The following ITPK1 variants were observed in gnomAD, a reference collection of about 807,000 sequenced individuals.
ITPK1 encodes the protein inositol 1,3,4-trisphosphate 5/6-kinase.
ITPK1 carries 21 observed loss-of-function variants against 45.3 expected under a neutral mutation model. The ratio of observed to expected loss-of-function variants is 0.46; its 90% confidence interval spans 0.33 to 0.67. The LOEUF is 0.67. Among genes scored for constraint, ITPK1 ranks in the 30% least tolerant of loss-of-function variants. The pLI, the probability that ITPK1 is intolerant of heterozygous loss-of-function variation, is 0.02. For synonymous variants in ITPK1, 258 were observed against 253.6 expected, an observed-to-expected ratio of 1.02 and a Z score of -0.16; for missense variants, 474 against 573.5, an observed-to-expected ratio of 0.83 and a Z score of 1.77.
chr14:93,057,270 A>G (rs1890247236), intron 3 of ITPK1, among the ~76,000 whole-genome samples: 1 of 152,342 alleles, frequency 6.6e-6, no homozygotes, highest in African/African-American at 2.4e-5. Flanking sequence ...TGCTATACAC[A>G]GAAACACTGC....
chr14:93,075,138 G>A (rs2139980709), intron 3 of ITPK1, among the ~76,000 whole-genome samples: 1 of 151,892 alleles, frequency 6.6e-6, no homozygotes, highest in Non-Finnish European at 1.5e-5. Context: ...ATCAGCCTGA[G>A]GAACATGGTG....
At chr14:93,021,378 G>A (rs949304769) in intron 3 of ITPK1, among the ~76,000 whole-genome samples, 1 of 152,086 alleles carries the variant, frequency 6.6e-6, no homozygotes, top group African/African-American at 2.4e-5. Flanking sequence ...GATCACTTGA[G>A]GTCAGGAGTT....
At position 92,958,152 on chromosome 14, in the gene ITPK1, C is replaced by G; in HGVS notation, c.670+49G>C. ...ACAGACAGCTGCTGCCACATCCCAGCTGGGCCCCTGAGTCTTGCTCAGCCC... is the reference window on the plus strand; with the variant it reads ...ACAGACAGCTGCTGCCACATCCCAGGTGGGCCCCTGAGTCTTGCTCAGCCC... On this transcript the variant is annotated intron_variant, in intron 8 of 10. Coordinates refer to ENST00000267615, the MANE Select transcript of ITPK1 (RefSeq NM_014216.6). The surrounding 1 kb of genome is among the most constrained non-coding windows in gnomAD (Gnocchi z 4.4). 1.3e-6 allele frequency: 2 copies of G among 1,590,880 alleles called. No homozygotes were observed. Among genetic ancestry groups the G allele is most frequent in the South Asian group, 1.1e-5 (1 of 90,498 alleles).
chr14:92,939,918 C>G lies in ITPK1; in HGVS notation c.*1643G>C. 1.0e-6 allele frequency: 1 copy of G among 985,864 alleles called. No homozygotes were observed. The highest frequency in any genetic ancestry group is 4.7e-5 in the South Asian group (1 of 21,280). The allele number at this position is 985,864 out of a possible 1,614,324, so 61.1% of individuals were successfully genotyped here. A position where few individuals can be genotyped will look rare whatever the true frequency, so the allele number is the denominator to read the frequency against. On this transcript the variant is annotated 3_prime_UTR_variant, in exon 11 of 11. Coordinates refer to ENST00000267615, the MANE Select transcript of ITPK1 (RefSeq NM_014216.6). Reference sequence around the variant, plus strand: ...ACAAAGCAGTGCAAGAGGCCAGCCACGCTTTCCTGTTCCCCAGGGCTCAGG... The same window carrying G: ...ACAAAGCAGTGCAAGAGGCCAGCCAGGCTTTCCTGTTCCCCAGGGCTCAGG...
intron 3 of ITPK1, among the ~76,000 whole-genome samples, chr14:93,051,784 AG>A (rs1890024801): frequency 6.6e-6 from 1 of 152,266 alleles, no homozygotes; most frequent in South Asian, 2.1e-4. Context: ...CAAATGTCTC[AG>A]CATGGGGAAT....
intron 5 of ITPK1, among the ~76,000 whole-genome samples, chr14:92,971,079 A>G (rs1190396407): frequency 6.6e-6 from 1 of 151,926 alleles, no homozygotes; most frequent in Non-Finnish European, 1.5e-5. Flanking sequence ...TTATCCTCCA[A>G]CATGGGTCAG....
intron 2 of ITPK1, among the ~76,000 whole-genome samples, chr14:93,084,704 G>A (rs1342239465): frequency 6.6e-6 from 1 of 152,192 alleles, no homozygotes; most frequent in African/African-American, 2.4e-5. Flanking sequence ...GCATTTGGAG[G>A]TGCAGCTCAG....
At chr14:93,066,094 G>T (rs1296142678) in intron 3 of ITPK1, 2 of 311,828 alleles carry the variant, frequency 6.4e-6, no homozygotes, top group Non-Finnish European at 1.3e-5. Context: ...ATGAGCAAAA[G>T]AATAATCTAG....
intron 5 of ITPK1, among the ~76,000 whole-genome samples, chr14:92,973,865 G>A (rs1391966020): frequency 6.6e-6 from 1 of 152,206 alleles, no homozygotes; most frequent in African/African-American, 2.4e-5. Flanking sequence ...CAGAAGAGAG[G>A]GGCTGGATGC....
At chr14:93,100,878 A>C (rs1736457969) in intron 2 of ITPK1, among the ~76,000 whole-genome samples, 1 of 152,080 alleles carries the variant, frequency 6.6e-6, no homozygotes, top group Admixed American at 6.6e-5. Context: ...CATGTGGCCC[A>C]CTCCATAGGT....
Position 93,016,492 on chromosome 14 carries a change from G to A in ITPK1, c.246+184C>T, listed in dbSNP as rs998760927. ...CTGGTTCAGTCCCCACGCTACACCC[G>A]AGGACACTGACGCCGCACAGAAGTA... On this transcript the variant is annotated intron_variant, in intron 4 of 10. Transcript: ENST00000267615. The surrounding 1 kb of genome is among the most constrained non-coding windows in gnomAD (Gnocchi z 5.0). 1.4e-4 allele frequency among the ~76,000 whole-genome samples: 21 copies of A among 152,276 alleles called. No individual in the cohort carries two copies. The highest frequency in any genetic ancestry group is 4.3e-4 in the African/African-American group (18 of 41,554).
intron 3 of ITPK1, among the ~76,000 whole-genome samples, chr14:93,054,032 T>C (rs527444604): frequency 6.6e-6 from 1 of 152,328 alleles, no homozygotes; most frequent in Non-Finnish European, 1.5e-5. Context: ...TTAGAAGCAC[T>C]TCCTGGCAGC....
chr14:93,031,818 G>T (rs1889077737), intron 3 of ITPK1, among the ~76,000 whole-genome samples: 1 of 152,160 alleles, frequency 6.6e-6, no homozygotes, highest in African/African-American at 2.4e-5. Context: ...TTATCTCCAT[G>T]TTCCCCCTAG....
intron 3 of ITPK1, among the ~76,000 whole-genome samples, chr14:93,057,138 G>A (rs928410334): frequency 1.3e-5 from 2 of 152,138 alleles, no homozygotes; most frequent in Admixed American, 6.5e-5. Context: ...CCTCACAGGC[G>A]ACTTGCCCAG....
At chr14:92,963,858 G>A (rs373294419) in intron 5 of ITPK1, among the ~76,000 whole-genome samples, 4 of 152,152 alleles carry the variant, frequency 2.6e-5, no homozygotes, top group African/African-American at 9.7e-5. Context: ...CACAAAGGTG[G>A]GACCACCCTG....
rs185145295 is a variant in ITPK1 at position 93,108,104 on chromosome 14, G to A, written c.95+6965C>T. ...TCGGGAGTCCCACACCCTCTCCAGA[G>A]CAAGGCCACACACACCCGGGCCGGC... On this transcript the variant is annotated intron_variant, in intron 2 of 10. Transcript: ENST00000267615. 2.2e-4 allele frequency among the ~76,000 whole-genome samples: 33 copies of A among 152,300 alleles called. No homozygotes were observed. The East Asian group carries it at 5.0e-3, about 23-fold the overall frequency.
chr14:93,061,969 C>T (rs1457403956), intron 3 of ITPK1, among the ~76,000 whole-genome samples: 1 of 152,150 alleles, frequency 6.6e-6, no homozygotes, highest in Non-Finnish European at 1.5e-5. Flanking sequence ...ACAACAGAAC[C>T]ACAACTTTGT....
chr14:92,991,087 G>A (rs537333529), intron 5 of ITPK1, among the ~76,000 whole-genome samples: 3 of 152,162 alleles, frequency 2.0e-5, no homozygotes, highest in African/African-American at 7.2e-5. Flanking sequence ...GCACAAAAGC[G>A]TGTCACTGGA....
intron 2 of ITPK1, among the ~76,000 whole-genome samples, chr14:93,084,957 C>T (rs1398442463): frequency 1.4e-4 from 22 of 152,150 alleles, no homozygotes; most frequent in Admixed American, 1.4e-3. Flanking sequence ...ACCATGAGCC[C>T]CTCGAGGCCA....
Sources: gnomAD v4.1 joint callset for allele counts (sites outside exome capture counted in the v4.1 genomes callset) on GRCh38, gnomAD v4.1.1 for gene constraint, Gnocchi (gnomAD v3.1) non-coding constraint, MANE v1.5 for transcripts, NCBI Gene and HGNC (gene_info 2026-07-23, HGNC 2026-07-21) for gene names.